Variants in TMEM232 observed in about 807,000 individuals in gnomAD.
TMEM232 encodes transmembrane protein 232.
TMEM232 carries 80 observed loss-of-function variants against 78.8 expected under a neutral mutation model. The observed-to-expected ratio is 1.01, with a 90% CI of 0.85 to 1.22. The LOEUF (loss-of-function observed/expected upper bound fraction) is 1.22. Among genes scored for constraint, TMEM232 ranks in the 50% most tolerant of loss-of-function variants. The pLI is 0.00. For missense variants in TMEM232, 881 were observed against 742.2 expected (o/e 1.19, Z -2.17); for synonymous variants, 297 against 254.3 (o/e 1.17, Z -1.60).
rs538286203 is a variant in TMEM232, at chr5:110,568,589, A to C, written c.1313T>G (p.Val438Gly). The change falls in exon 11 of 14, where the codon GTG becomes GGG. Residue 438 changes from valine to glycine, a missense_variant. Transcript: ENST00000455884. Reference sequence around the variant, plus strand: ...CCATGAAATTTTCACCAGGTTATACACTAAGCCATAGTAACCAGTCCAGAC... The same window carrying C: ...CCATGAAATTTTCACCAGGTTATACCCTAAGCCATAGTAACCAGTCCAGAC... ...QVVWTGYYGL[V>G]YNLVKISWEL... 2.1e-5 allele frequency: 32 copies of C among 1,549,142 alleles called. No homozygotes were observed. In the South Asian group the frequency reaches 3.8e-4, roughly 18 times the overall value.
At chr5:110,531,349 C>T (rs1014057856) in intron 11 of TMEM232, among the ~76,000 whole-genome samples, 4 of 152,204 alleles carry the variant, frequency 2.6e-5, no homozygotes, top group Admixed American at 1.3e-4. Flanking sequence ...TGCTGTGACT[C>T]GGATTGGGGG....
chr5:110,646,083 GT>G lies in TMEM232; in HGVS notation c.126-3713del, dbSNP rs1451248446. ...ACAGAAAACACAGAAAAAAAGACCT[GT>G]AAAAAACAAAGAAGACATAGAAAGA... On this transcript the variant is annotated intron_variant, in intron 2 of 13. Coordinates refer to ENST00000455884, the MANE Select transcript of TMEM232 (RefSeq NM_001039763.4). 3.3e-5 allele frequency among the ~76,000 whole-genome samples: 5 copies of G among 151,666 alleles called. 1 individual carries two copies. In the East Asian group the frequency reaches 9.7e-4, roughly 29 times the overall value.
intron 7 of TMEM232, among the ~76,000 whole-genome samples, chr5:110,619,909 A>G (rs1273812341): frequency 6.6e-6 from 1 of 152,148 alleles, no homozygotes; most frequent in African/African-American, 2.4e-5. Context: ...TAGAACTTAA[A>G]GCATAATATT....
chr5:110,624,956 T>A (rs528465030), intron 7 of TMEM232, among the ~76,000 whole-genome samples: 2 of 152,154 alleles, frequency 1.3e-5, no homozygotes, highest in East Asian at 1.9e-4. Flanking sequence ...AACAAAAAAA[T>A]AAAAGAAGTT....
chr5:110,436,581 T>C (rs1758460913), intron 12 of TMEM232, among the ~76,000 whole-genome samples: 2 of 152,154 alleles, frequency 1.3e-5, no homozygotes, highest in African/African-American at 4.8e-5. Flanking sequence ...AGTAATTTCA[T>C]AGTTTGAGGT....
chr5:110,629,760 T>C (rs993803647), intron 5 of TMEM232, among the ~76,000 whole-genome samples: 3 of 152,188 alleles, frequency 2.0e-5, no homozygotes, highest in African/African-American at 7.2e-5. Flanking sequence ...GCATAGAATC[T>C]TGACGATCAC....
At chr5:110,547,454 A>G (rs1351588057) in intron 11 of TMEM232, among the ~76,000 whole-genome samples, 1 of 152,156 alleles carries the variant, frequency 6.6e-6, no homozygotes, top group Non-Finnish European at 1.5e-5. Flanking sequence ...TTAGGTATGG[A>G]ATATTTGAGG....
chr5:110,393,723 G>A (rs950937379), intron 3 of TMEM232, among the ~76,000 whole-genome samples: 9 of 151,980 alleles, frequency 5.9e-5, no homozygotes, highest in East Asian at 1.9e-4. Context: ...TTGAGAGGCC[G>A]TGGTGGGTGG....
intron 1 of TMEM232, among the ~76,000 whole-genome samples, chr5:110,685,815 C>G (rs1001124313): frequency 6.6e-6 from 1 of 151,962 alleles, no homozygotes; most frequent in Non-Finnish European, 1.5e-5. Flanking sequence ...TCAGTAACAA[C>G]AAAGAACAAA....
chr5:110,476,186 A>C (rs111658739), intron 12 of TMEM232, among the ~76,000 whole-genome samples: 2 of 152,018 alleles, frequency 1.3e-5, no homozygotes, highest in East Asian at 3.9e-4. Flanking sequence ...TGCAGCCCTA[A>C]TTCACAGTAT....
At chr5:110,687,316 T>C (rs244409) in intron 1 of TMEM232, among the ~76,000 whole-genome samples, 148,435 of 152,200 alleles carry the variant, frequency 0.98, 72,467 homozygotes, top group Non-Finnish European at 1. Context: ...TGCTGCTAAT[T>C]GGAGCATATA....
chr5:110,504,046 T>C (rs1207577174), intron 12 of TMEM232, among the ~76,000 whole-genome samples: 1 of 152,240 alleles, frequency 6.6e-6, no homozygotes, highest in East Asian at 1.9e-4. Context: ...CCTGAATCAA[T>C]CAGCTAATTT....
intron 2 of TMEM232, among the ~76,000 whole-genome samples, chr5:110,663,192 A>G (rs1432658052): frequency 6.6e-6 from 1 of 152,128 alleles, no homozygotes; most frequent in Non-Finnish European, 1.5e-5. Context: ...TGCAACAGTG[A>G]AATGAAAAAC....
chr5:110,529,112 C>T (rs757816978), intron 11 of TMEM232, among the ~76,000 whole-genome samples: 5 of 151,448 alleles, frequency 3.3e-5, no homozygotes, highest in Admixed American at 1.3e-4. Context: ...ATATACGTGC[C>T]GTGTAAGAAT....
rs567373225 is a variant in TMEM232 at position 110,516,997 on chromosome 5, G to C, written c.1703+11591C>G. Among the ~76,000 whole-genome samples, 4 of 152,196 alleles carry C rather than the reference G, an allele frequency of 2.6e-5. No individual in the cohort carries two copies. The South Asian group carries it at 8.3e-4, about 32-fold the overall frequency. ...AAAGAAACATTGTCTTAATTTTCCT[G>C]TTCTCTGCCCTTTTAAATGTGCCCC... On this transcript the variant is annotated intron_variant, in intron 12 of 13. Coordinates refer to ENST00000455884, the MANE Select transcript of TMEM232 (RefSeq NM_001039763.4).
chr5:110,627,610 G>A (rs929491484), intron 6 of TMEM232, among the ~76,000 whole-genome samples, 171 bp downstream of exon 6: 1 of 152,048 alleles, frequency 6.6e-6, no homozygotes, highest in Non-Finnish European at 1.5e-5. Context: ...GGGGTTGGAG[G>A]GGCAGTGAGC....
Position 110,736,038 on chromosome 5 carries a change from G to T in TMEM232, c.-125-1023C>A, listed in dbSNP as rs550565104. On this transcript the variant is annotated intron_variant, in intron 1 of 4. Coordinates refer to the TMEM232 transcript ENST00000512886. ...GAGATATTAAATGTTGTTTTAAGCTGCCCAATTTGTTATGGGGGTAATTCA... is the reference window on the plus strand; with the variant it reads ...GAGATATTAAATGTTGTTTTAAGCTTCCCAATTTGTTATGGGGGTAATTCA... 2.0e-5 allele frequency among the ~76,000 whole-genome samples: 3 copies of T among 152,170 alleles called. No homozygotes were observed. The East Asian group carries it at 5.8e-4, about 29-fold the overall frequency.
chr5:110,711,291 T>G (rs1796446006), intron 1 of TMEM232, among the ~76,000 whole-genome samples: 1 of 152,134 alleles, frequency 6.6e-6, no homozygotes, highest in Admixed American at 6.5e-5. Flanking sequence ...ACATTTCATG[T>G]TCATGGATTG....
chr5:110,533,867 T>C (rs565544193), intron 11 of TMEM232, among the ~76,000 whole-genome samples: 1 of 152,326 alleles, frequency 6.6e-6, no homozygotes, highest in East Asian at 1.9e-4. Context: ...AGGCAGGCTA[T>C]GCTATAGTAC....
Sources: allele counts gnomAD v4.1 joint callset (sites outside exome capture counted in the v4.1 genomes callset), GRCh38; gene constraint gnomAD v4.1.1; transcripts MANE v1.5; gene names NCBI Gene and HGNC (gene_info 2026-07-23, HGNC 2026-07-21).